RRAS2: variants seen among roughly 807,000 people sequenced by gnomAD.
The protein encoded by RRAS2 is ras-related protein R-Ras2.
A neutral mutation model predicts 27.6 loss-of-function variants in RRAS2; 7 were observed. The ratio of observed to expected loss-of-function variants is 0.25; its 90% CI spans 0.14 to 0.48. RRAS2 has a LOEUF of 0.48. Ranked by LOEUF, RRAS2 falls within the 20% of genes least tolerant of loss-of-function variation. The pLI, the probability that RRAS2 is intolerant of heterozygous loss-of-function variation, is 0.99. For missense variants in RRAS2, 178 were observed against 256.2 expected, an observed-to-expected ratio of 0.69 and a Z score of 2.08; for synonymous variants, 86 against 90.9, an observed-to-expected ratio of 0.95 and a Z score of 0.31.
chr11:14,359,953 C>T (rs559715610), upstream of RRAS2, among the ~76,000 whole-genome samples: 61 of 152,310 alleles, frequency 4.0e-4, no homozygotes, highest in African/African-American at 1.4e-3. Context: ...AATCTTGGAA[C>T]ATGACTGCAA....
chr11:14,364,354 A>G, intron 1 of RRAS2: 1 of 1,534,440 alleles, frequency 6.5e-7, no homozygotes, highest in Non-Finnish European at 8.7e-7. Context: ...TTGGCCAAAG[A>G]AGGCCAAGCC....
rs776032496 is a variant in RRAS2 at position 14,358,364 on chromosome 11, G to A, written c.108+399C>T. The A allele has an allele frequency of 7.1e-6, 7 of 985,416 alleles. No individual in the cohort carries two copies. The highest frequency in any genetic ancestry group is 2.3e-4 in the East Asian group (2 of 8,810). The allele number at this position is 985,416 out of a possible 1,614,324, so 61.0% of individuals were successfully genotyped here. On this transcript the variant is annotated intron_variant, in intron 1 of 5. Coordinates refer to ENST00000256196, the MANE Select transcript of RRAS2 (RefSeq NM_012250.6). The surrounding 1 kb of genome is among the most constrained non-coding windows in gnomAD (Gnocchi z 5.1). ...CCCCGACGGTGAAGGCGCGGCCGCA[G>A]GCGGCTGGAAAAGCAGCGCGCGGGG... is the stretch of plus-strand genomic sequence containing the variant.
intron 1 of RRAS2, among the ~76,000 whole-genome samples, chr11:14,331,911 T>C (rs1212480746): frequency 6.6e-6 from 1 of 152,128 alleles, no homozygotes; most frequent in African/African-American, 2.4e-5. Flanking sequence ...AAAGGAGCTA[T>C]ACCAATGGCC....
At chr11:14,298,258 C>G (rs1847610357) in intron 1 of RRAS2, among the ~76,000 whole-genome samples, 4 of 152,116 alleles carry the variant, frequency 2.6e-5, no homozygotes. Flanking sequence ...CAGCTGATGC[C>G]TAAAAGTGCT....
At chr11:14,301,398 T>A (rs1847700242) in intron 1 of RRAS2, among the ~76,000 whole-genome samples, 1 of 152,170 alleles carries the variant, frequency 6.6e-6, no homozygotes, top group South Asian at 2.1e-4. Context: ...GCTCAGAATA[T>A]TTTCCAGGTT....
chr11:14,308,704 A>G (rs1847885771), intron 1 of RRAS2, among the ~76,000 whole-genome samples: 1 of 152,232 alleles, frequency 6.6e-6, no homozygotes, highest in Non-Finnish European at 1.5e-5. Context: ...TTACTTGCAA[A>G]GCTGAGAGAC....
intron 1 of RRAS2, among the ~76,000 whole-genome samples, chr11:14,330,517 A>C (rs1171463381): frequency 6.6e-6 from 1 of 152,188 alleles, no homozygotes; most frequent in Non-Finnish European, 1.5e-5. Context: ...CAATTAAAAA[A>C]CAAAAAACTG....
chr11:14,308,260 G>A, intron 1 of RRAS2: 1 of 451,544 alleles, frequency 2.2e-6, no homozygotes, highest in South Asian at 1.6e-5. Context: ...AACAATTCTT[G>A]TAGCTTTCAA....
intron 1 of RRAS2, among the ~76,000 whole-genome samples, chr11:14,338,437 GATTT>G (rs782521440): frequency 2.8e-4 from 42 of 152,140 alleles, no homozygotes; most frequent in Admixed American, 4.6e-4. Context: ...CTAAACATGA[GATTT>G]ATTTATGTTT....
chr11:14,357,084 C>G (rs1006982070), intron 1 of RRAS2, among the ~76,000 whole-genome samples: 1 of 152,078 alleles, frequency 6.6e-6, no homozygotes, highest in Non-Finnish European at 1.5e-5. Flanking sequence ...CGACGCCAGG[C>G]CCAATTACCG....
rs946392070 is a variant in RRAS2, at chr11:14,329,814, A to T, written c.108+28949T>A. Among the ~76,000 whole-genome samples the T allele has an allele frequency of 3.3e-5, 5 of 152,336 alleles. No individual in the cohort carries two copies. The East Asian group carries it at 5.8e-4, about 18-fold the overall frequency. On this transcript the variant is annotated intron_variant, in intron 1 of 5. Transcript: ENST00000256196. ...GCCAGGCACAGTGGCCCATGCCTGT[A>T]ATCCCTGCACTTCAGGAGGCCAAGG... is the stretch of plus-strand genomic sequence containing the variant.
chr11:14,284,133 T>C (rs766167539), intron 4 of RRAS2, among the ~76,000 whole-genome samples: 9 of 152,346 alleles, frequency 5.9e-5, no homozygotes, highest in East Asian at 1.9e-4. Context: ...CTAAAGGTCA[T>C]TGAATTGAGA....
upstream of RRAS2, among the ~76,000 whole-genome samples, chr11:14,363,540 A>C (rs767896321): frequency 3.3e-5 from 5 of 152,166 alleles, no homozygotes; most frequent in Non-Finnish European, 7.3e-5. Context: ...AGGCCGAGGC[A>C]GGTGGATCAC....
rs191025458 is a variant in RRAS2, at chr11:14,279,199, C to T, written c.*138G>A. 3 of 656,378 alleles carry T rather than the reference C, an allele frequency of 4.6e-6. No homozygotes were observed. Among genetic ancestry groups the T allele is most frequent in the African/African-American group, 3.6e-5 (2 of 55,362 alleles). 40.7% of individuals were successfully genotyped at this position (656,378 alleles called of 1,614,324 possible). A position where few individuals can be genotyped will look rare whatever the true frequency, so the allele number is the denominator to read the frequency against. On this transcript the variant is annotated 3_prime_UTR_variant, in exon 6 of 6. Transcript: ENST00000256196. ...CATTGTATTAGCTTCACAGAAAGGA[C>T]TAGCCAGCTTCTTCGTCTAAGGCTA...
At position 14,289,998 on chromosome 11, in the gene RRAS2, T is replaced by C. The variant is rs539330433; in HGVS notation, c.408+4473A>G. 3.5e-4 allele frequency among the ~76,000 whole-genome samples: 53 copies of C among 152,308 alleles called. No individual in the cohort carries two copies. In the South Asian group the frequency reaches 6.8e-3, roughly 20 times the overall value. On this transcript the variant is annotated intron_variant, in intron 4 of 5. Coordinates refer to ENST00000256196, the MANE Select transcript of RRAS2 (RefSeq NM_012250.6). ...GCAACAGAGAGCAAGCCAGACTGGT[T>C]ACTCAGAACCTACAGATGACAAAAA...
intron 4 of RRAS2, among the ~76,000 whole-genome samples, chr11:14,285,588 G>A (rs1221714636): frequency 5.3e-5 from 8 of 152,086 alleles, no homozygotes; most frequent in African/African-American, 1.9e-4. Context: ...TCTGCCTAAG[G>A]ACATCTTTTC....
intron 4 of RRAS2, 112 bp downstream of exon 4, chr11:14,294,359 C>T: frequency 6.3e-6 from 4 of 635,234 alleles, no homozygotes; most frequent in Admixed American, 4.2e-5. Context: ...ACTTAAGTGG[C>T]ATGGAGCACC....
intron 1 of RRAS2, among the ~76,000 whole-genome samples, chr11:14,311,117 G>A (rs562320932): frequency 5.3e-4 from 80 of 152,318 alleles, no homozygotes; most frequent in Non-Finnish European, 8.7e-4. Context: ...GGAGGTCAAG[G>A]TGAGAGGATC....
chr11:14,343,747 T>C (rs1848768816), intron 1 of RRAS2, among the ~76,000 whole-genome samples: 1 of 151,530 alleles, frequency 6.6e-6, no homozygotes, highest in Non-Finnish European at 1.5e-5. Context: ...GGTGGAAGGA[T>C]CGCCTCTACC....
Sources: gnomAD v4.1 joint callset for allele counts (sites outside exome capture counted in the v4.1 genomes callset) on GRCh38, gnomAD v4.1.1 for gene constraint, Gnocchi (gnomAD v3.1) non-coding constraint, MANE v1.5 for transcripts, NCBI Gene and HGNC (gene_info 2026-07-23, HGNC 2026-07-21) for gene names.